Variants in MGA observed in about 807,000 individuals in gnomAD.
MGA encodes MAX gene-associated protein.
MGA carries 40 observed loss-of-function variants against 261.1 expected under a neutral mutation model. That is an observed-to-expected ratio of 0.15 (90% CI 0.12 to 0.20). MGA has a LOEUF of 0.20. Among genes scored for constraint, MGA ranks in the 10% least tolerant of loss-of-function variants. The pLI, the probability that MGA is intolerant of heterozygous loss-of-function variation, is 1.00. For missense variants in MGA, 3,397 were observed against 3,630.5 expected, an observed-to-expected ratio of 0.94 and a Z score of 1.65; for synonymous variants, 1,302 against 1,290.6, an observed-to-expected ratio of 1.01 and a Z score of -0.19.
At chr15:41,628,113 G>A (rs1189466453) in intron 1 of MGA, among the ~76,000 whole-genome samples, 1 of 152,116 alleles carries the variant, frequency 6.6e-6, no homozygotes, top group Non-Finnish European at 1.5e-5. Context: ...GCTCATGCCT[G>A]TAATCCCAGC....
rs367647138 is a variant in MGA, at chr15:41,765,041, G to C, written c.7900G>C (p.Gly2634Arg). The C allele has an allele frequency of 1.7e-5, 28 of 1,613,864 alleles. No individual in the cohort carries two copies. Among genetic ancestry groups the C allele is most frequent in the East Asian group, 1.6e-4 (7 of 44,890 alleles). ...ATCTGATCTTAAGCCTCAAGTTGCC[G>C]GTAGTGCTGTGGCTCTACCAGGTAT... The change falls in exon 23 of 24, where the codon GGT becomes CGT. Residue 2634 changes from glycine (G) to arginine (R), a missense_variant. Physicochemically the swap from Gly to Arg is moderately radical, Grantham distance 125. This residue lies in a region of MGA where 647 missense variants were observed against 642.4 expected (regional missense o/e 1.01). Transcript: ENST00000219905.
At chr15:41,722,969 G>A (rs2151627677) in intron 9 of MGA, among the ~76,000 whole-genome samples, 1 of 152,314 alleles carries the variant, frequency 6.6e-6, no homozygotes, top group African/African-American at 2.4e-5. Context: ...TGTTTTAAGT[G>A]TCATGAACAA....
At chr15:41,676,496 A>G (rs2058385804) in intron 2 of MGA, among the ~76,000 whole-genome samples, 1 of 152,242 alleles carries the variant, frequency 6.6e-6, no homozygotes. Context: ...ACAAATGTCA[A>G]TATTAGACAA....
intron 1 of MGA, among the ~76,000 whole-genome samples, chr15:41,630,177 G>T (rs965055530): frequency 1.3e-5 from 2 of 151,764 alleles, no homozygotes; most frequent in African/African-American, 2.4e-5. Flanking sequence ...CCCCCTTTTG[G>T]CCTGGAATAC....
At chr15:41,693,103 G>C (rs1257909338) in intron 2 of MGA, among the ~76,000 whole-genome samples, 3 of 152,098 alleles carry the variant, frequency 2.0e-5, no homozygotes, top group African/African-American at 7.2e-5. Context: ...GCCTCCCAAA[G>C]TGTTAGGATT....
At chr15:41,625,999 A>G (rs576722625) in intron 1 of MGA, among the ~76,000 whole-genome samples, 2 of 152,144 alleles carry the variant, frequency 1.3e-5, no homozygotes, top group Non-Finnish European at 2.9e-5. Flanking sequence ...TTATTATAGT[A>G]TATTGTAATA....
chr15:41,686,772 G>A (rs1389558062), intron 2 of MGA, among the ~76,000 whole-genome samples: 1 of 152,060 alleles, frequency 6.6e-6, no homozygotes, highest in Non-Finnish European at 1.5e-5. Context: ...TTAATATGGT[G>A]AATTAACATT....
At chr15:41,676,809 C>T (rs1236819086) in intron 2 of MGA, among the ~76,000 whole-genome samples, 1 of 152,150 alleles carries the variant, frequency 6.6e-6, no homozygotes, top group Non-Finnish European at 1.5e-5. Flanking sequence ...AAATTATATT[C>T]TAAAAGGTTA....
intron 1 of MGA, among the ~76,000 whole-genome samples, chr15:41,648,118 G>A (rs2056970675): frequency 1.3e-5 from 2 of 152,080 alleles, no homozygotes; most frequent in Admixed American, 1.3e-4. Flanking sequence ...AATTCATTCT[G>A]CAAATATGTG....
At chr15:41,762,461 GTTTTTTTTTTTTTTTTTT>G (rs34069193) in intron 22 of MGA, 99 bp downstream of exon 22, 70 of 138,424 alleles carry the variant, frequency 5.1e-4, no homozygotes, top group South Asian at 1.6e-3. Context: ...GTTTTGTGTG[GTTTTTTTTTTTTTTTTTT>G]TTTTTTTTTT....
chr15:41,718,934 A>G (rs959184150), intron 9 of MGA, among the ~76,000 whole-genome samples: 1 of 152,098 alleles, frequency 6.6e-6, no homozygotes, highest in Non-Finnish European at 1.5e-5. Context: ...CATGATAAAG[A>G]GAGAGGTATC....
chr15:41,735,168 A>T (rs139795360), intron 12 of MGA, among the ~76,000 whole-genome samples: 30 of 152,296 alleles, frequency 2.0e-4, no homozygotes, highest in Non-Finnish European at 3.5e-4. Context: ...CGGTAAGTGG[A>T]GGAGGCTACT....
intron 19 of MGA, among the ~76,000 whole-genome samples, chr15:41,758,651 C>T (rs892740959): frequency 6.6e-6 from 1 of 152,096 alleles, no homozygotes; most frequent in Admixed American, 6.5e-5. Context: ...CATGCAAATT[C>T]TTGCTGCACT....
intron 17 of MGA, 112 bp from the exon 18 acceptor site, chr15:41,754,320 CATGAT>C: frequency 1.2e-6 from 1 of 861,662 alleles, no homozygotes; most frequent in Middle Eastern, 3.5e-4. Context: ...TATCAGTACT[CATGAT>C]ATAACATGAA....
At position 41,750,304 on chromosome 15, in the gene MGA, G is replaced by A. The variant is rs2062760041; in HGVS notation, c.6697G>A (p.Asp2233Asn). The A allele has an allele frequency of 6.2e-7, 1 of 1,614,044 alleles. No individual in the cohort carries two copies. The highest frequency in any genetic ancestry group is 8.5e-7 in the Non-Finnish European group (1 of 1,179,902). ...ACTTGGAAAAAGTGGAATTACTGAA[G>A]ATGCCAGAGTTTTGAAAACTGAATG... Residue 2233 changes from aspartate (D) to asparagine (N), a missense_variant, in exon 17 of 24, where the codon GAT (aspartate) becomes AAT (asparagine). Physicochemically the swap from Asp to Asn is conservative, Grantham distance 23. Transcript: ENST00000219905.
chr15:41,656,247 ATCT>A (rs1384133915), upstream of MGA, among the ~76,000 whole-genome samples: 1 of 151,840 alleles, frequency 6.6e-6, no homozygotes, highest in Non-Finnish European at 1.5e-5. Context: ...ATCTGGGGCA[ATCT>A]TCTTAGGCAA....
chr15:41,693,141 C>T lies in MGA; in HGVS notation c.1065-2934C>T, dbSNP rs1322410089. 2.0e-5 allele frequency among the ~76,000 whole-genome samples: 3 copies of T among 152,206 alleles called. No homozygotes were observed. In the East Asian group the frequency reaches 5.8e-4, roughly 29 times the overall value. ...AGGCACGAGCCACCACACCCGGCTT[C>T]TATTGGAGGATTTTCTTTTTTTTAT... On this transcript the variant is annotated intron_variant, in intron 2 of 23. Coordinates refer to ENST00000219905, the MANE Select transcript of MGA (RefSeq NM_001164273.2).
intron 2 of MGA, among the ~76,000 whole-genome samples, chr15:41,685,530 A>G (rs1430979671): frequency 6.6e-6 from 1 of 152,162 alleles, no homozygotes; most frequent in Non-Finnish European, 1.5e-5. Flanking sequence ...TCCAGTTGAA[A>G]AGACTTGATA....
At chr15:41,701,400 A>G (rs147146936) in intron 5 of MGA, among the ~76,000 whole-genome samples, 3 of 152,280 alleles carry the variant, frequency 2.0e-5, no homozygotes, top group African/African-American at 7.2e-5. Context: ...TTATTTGCCT[A>G]GTATTTGCTG....
Sources: allele counts gnomAD v4.1 joint callset (sites outside exome capture counted in the v4.1 genomes callset), GRCh38; gene constraint gnomAD v4.1.1; regional missense constraint gnomAD v4.1.1; transcripts MANE v1.5; gene names NCBI Gene and HGNC (gene_info 2026-07-23, HGNC 2026-07-21).